Variants in LRTM3 observed in about 807,000 individuals in gnomAD.
LRTM3 encodes the protein leucine rich repeat transmembrane protein 3.
chr13:102,736,943 T>G, the LRTM3 span: 1 of 1,551,088 alleles, frequency 6.4e-7, no homozygotes. Flanking sequence ...TTCCTCTTTT[T>G]TGCCTGCTGT....
chr13:102,755,972 T>TTTTCCTTTTGAGC, the LRTM3 span, among the ~76,000 whole-genome samples: 1 of 126,688 alleles, frequency 7.9e-6, no homozygotes, highest in African/African-American at 2.9e-5. Context: ...TTTTTTTTTT[T>TTTTCCTTTTGAGC]TCCTTTTGAG....
the LRTM3 span, chr13:102,738,283 C>T: frequency 6.4e-7 from 1 of 1,550,892 alleles, no homozygotes; most frequent in South Asian, 1.2e-5. Context: ...TGATATCACC[C>T]TTACTGGCCA....
chr13:102,754,049 T>C, the LRTM3 span, among the ~76,000 whole-genome samples: 7 of 151,800 alleles, frequency 4.6e-5, no homozygotes, highest in East Asian at 1.4e-3. Flanking sequence ...CTACTAAAAA[T>C]ACAAAAAGTA....
chr13:102,736,113 C>T, the LRTM3 span: 12 of 1,540,984 alleles, frequency 7.8e-6, no homozygotes, highest in African/African-American at 1.7e-4. Flanking sequence ...CTAATACCTT[C>T]ATTTGAATTT....
At chr13:102,744,941 C>A in the LRTM3 span, 1 of 1,550,674 alleles carries the variant, frequency 6.4e-7, no homozygotes, top group South Asian at 1.2e-5. Flanking sequence ...AGTTGGTACA[C>A]CACGTTTTAT....
At chr13:102,738,087 C>T in the LRTM3 span, 1 of 1,551,000 alleles carries the variant, frequency 6.4e-7, no homozygotes, top group Non-Finnish European at 8.7e-7. Context: ...TCCTCTTTCC[C>T]TTGCTCCTGA....
the LRTM3 span, among the ~76,000 whole-genome samples, chr13:102,758,052 C>T: frequency 6.6e-6 from 1 of 152,174 alleles, no homozygotes; most frequent in Non-Finnish European, 1.5e-5. Flanking sequence ...CAGCACCTAG[C>T]TCAGTGTTTG....
the LRTM3 span, chr13:102,736,071 GT>G: frequency 6.5e-6 from 10 of 1,541,878 alleles, no homozygotes; most frequent in East Asian, 2.5e-4. Flanking sequence ...TATGGCATTT[GT>G]TGGTTTGCTT....
chr13:102,746,223 T>C, the LRTM3 span: 19 of 1,550,626 alleles, frequency 1.2e-5, no homozygotes, highest in Non-Finnish European at 1.7e-5. Flanking sequence ...TCAAGATGGA[T>C]TTCCTTCATT....
the LRTM3 span, chr13:102,748,395 C>T: frequency 1.7e-5 from 27 of 1,550,890 alleles, no homozygotes; most frequent in South Asian, 3.6e-5. Context: ...ATGAGCAAAC[C>T]GACATTTGAC....
chr13:102,758,814 A>AT, the LRTM3 span: 3 of 1,549,824 alleles, frequency 1.9e-6, no homozygotes, highest in East Asian at 4.9e-5. Context: ...TATAAAGAAA[A>AT]TTGCCACCCA....
At chr13:102,754,472 A>G in the LRTM3 span, among the ~76,000 whole-genome samples, 2 of 152,122 alleles carry the variant, frequency 1.3e-5, no homozygotes, top group African/African-American at 2.4e-5. Flanking sequence ...GCAATCAATA[A>G]GTATTTGCTG....
chr13:102,744,690 G>C, the LRTM3 span: 7 of 1,550,770 alleles, frequency 4.5e-6, no homozygotes, highest in Non-Finnish European at 4.4e-6. Flanking sequence ...CGGAGGTGTT[G>C]ACTATAGCAT....
the LRTM3 span, among the ~76,000 whole-genome samples, chr13:102,755,957 A>G: frequency 7.0e-3 from 320 of 45,532 alleles, 2 homozygotes; most frequent in African/African-American, 0.018. Flanking sequence ...ATATATATAT[A>G]TATATTTTTT....
the LRTM3 span, chr13:102,744,553 T>G: frequency 5.6e-4 from 862 of 1,550,600 alleles, 8 homozygotes; most frequent in African/African-American, 0.01. Context: ...AAACAGTTTC[T>G]CTAAAGTGTG....
the LRTM3 span, among the ~76,000 whole-genome samples, chr13:102,756,834 CT>C: frequency 7.0e-4 from 107 of 152,176 alleles, no homozygotes; most frequent in African/African-American, 2.2e-3. Context: ...ACACCACCCC[CT>C]AACCTCTTCT....
the LRTM3 span, chr13:102,731,196 C>A: frequency 2.2e-5 from 34 of 1,551,302 alleles, no homozygotes; most frequent in African/African-American, 4.4e-4. Context: ...CTTGAAACAT[C>A]AACAATCAGT....
At chr13:102,741,676 C>G in the LRTM3 span, 4 of 1,550,278 alleles carry the variant, frequency 2.6e-6, no homozygotes, top group Non-Finnish European at 3.5e-6. Flanking sequence ...AAGTATCCAA[C>G]TCTGTAAAAA....
the LRTM3 span, chr13:102,747,834 C>T: frequency 6.4e-7 from 1 of 1,551,264 alleles, no homozygotes; most frequent in Non-Finnish European, 8.7e-7. Flanking sequence ...ACTTCTTGCT[C>T]TTTATTTGGG....
Sources: allele counts gnomAD v4.1 joint callset (sites outside exome capture counted in the v4.1 genomes callset), GRCh38; gene constraint gnomAD v4.1.1; transcripts MANE v1.5; gene names NCBI Gene and HGNC (gene_info 2026-07-23, HGNC 2026-07-21).